The following SYT7 variants were observed in gnomAD, a reference collection of about 807,000 sequenced individuals.
SYT7 encodes the protein synaptotagmin-7.
Under a neutral mutation model 75.1 loss-of-function variants are expected in SYT7, and 29 were observed. The observed-to-expected ratio is 0.39, with a 90% CI of 0.29 to 0.53. The LOEUF (loss-of-function observed/expected upper bound fraction) is 0.53, where lower values mean the gene tolerates loss of function less well. SYT7 is among the 20% of genes least tolerant of loss of function. The probability of loss-of-function intolerance (pLI) is 0.77; values close to 1 mark genes in which losing one functional copy is unlikely to be tolerated. For synonymous variants in SYT7, 376 were observed against 401.7 expected, an observed-to-expected ratio of 0.94 and a Z score of 0.76; for missense variants, 693 against 953.2, an observed-to-expected ratio of 0.73 and a Z score of 3.59.
intron 6 of SYT7, 80 bp from the exon 7 acceptor site, chr11:61,538,346 G>GGAGAGGGAGGGAGA (rs1555006884): frequency 1.5e-5 from 3 of 203,292 alleles, no homozygotes; most frequent in African/African-American, 1.2e-4. Context: ...GGAGAGAGAG[G>GGAGAGGGAGGGAGA]GAGAGAGAGA....
rs188382827 is a variant in SYT7, at chr11:61,515,480, G to C, written c.*3147C>G. ...TTTTCCTGTTTTTTTTTTTTCTTCA[G>C]TTTTTCTTCATTTCTCTTCGCTGCA... is the stretch of plus-strand genomic sequence containing the variant. On this transcript the variant is annotated 3_prime_UTR_variant, in exon 13 of 13. Coordinates refer to ENST00000539008, the MANE Select transcript of SYT7 (RefSeq NM_001365809.2). The C allele has an allele frequency of 7.4e-5, 11 of 149,602 alleles. No homozygotes were observed. The highest frequency in any genetic ancestry group is 2.5e-4 in the African/African-American group (10 of 40,638). The allele number at this position is 149,602 out of a possible 1,614,324, so 9.3% of individuals were successfully genotyped here.
chr11:61,578,273 C>T (rs566121562), intron 1 of SYT7, among the ~76,000 whole-genome samples: 42 of 152,286 alleles, frequency 2.8e-4, no homozygotes, highest in Middle Eastern at 3.4e-3. Flanking sequence ...TAGCTGAGCC[C>T]TTAGGGACCT....
intron 1 of SYT7, among the ~76,000 whole-genome samples, chr11:61,557,518 C>T (rs1201266082): frequency 6.6e-6 from 1 of 152,114 alleles, no homozygotes; most frequent in Non-Finnish European, 1.5e-5. Flanking sequence ...TCCTCCACTC[C>T]AGCACCCTGG....
In SYT7 at chr11:61,546,823, C is replaced by G. The variant is rs1028263364; in HGVS notation, c.347+354G>C. Among the ~76,000 whole-genome samples the G allele has an allele frequency of 6.6e-6, 1 of 152,068 alleles. No individual in the cohort carries two copies. Among genetic ancestry groups the G allele is most frequent in the African/African-American group, 2.4e-5 (1 of 41,404 alleles). On this transcript the variant is annotated intron_variant, in intron 4 of 12. Transcript: ENST00000539008. The surrounding 1 kb of genome is among the most constrained non-coding windows in gnomAD (Gnocchi z 7.6). ...GCAGCACACAGCGGGGAGGAAGAAG[C>G]GACCACAACCGAGGGGGCGGGACCC...
chr11:61,565,166 C>T lies in SYT7; in HGVS notation c.32-8959G>A, dbSNP rs532051872. ...CCCACCCCCATCTTTTGGTGGCTCC[C>T]GATGACGTTCAAGGTGGGAAACAGT... On this transcript the variant is annotated intron_variant, in intron 1 of 12. Coordinates refer to ENST00000539008, the MANE Select transcript of SYT7 (RefSeq NM_001365809.2). Among the ~76,000 whole-genome samples the T allele has an allele frequency of 1.1e-4, 17 of 152,274 alleles. No individual in the cohort carries two copies. In the South Asian group the frequency reaches 2.3e-3, roughly 20 times the overall value.
Position 61,542,389 on chromosome 11 carries a change from G to A in SYT7, c.763C>T (p.His255Tyr). The A allele has an allele frequency of 1.3e-6, 2 of 1,531,334 alleles. No individual in the cohort carries two copies. Among genetic ancestry groups the A allele is most frequent in the Non-Finnish European group, 1.7e-6 (2 of 1,144,916 alleles). The allele number at this position is 1,531,334 out of a possible 1,614,324, so 94.9% of individuals were successfully genotyped here. A position where few individuals can be genotyped will look rare whatever the true frequency, so the allele number is the denominator to read the frequency against. The change falls in exon 6 of 13, where the codon CAC (histidine) becomes TAC (tyrosine). Residue 255 changes from histidine to tyrosine, a missense_variant. Physicochemically the swap from His to Tyr is moderately conservative, Grantham distance 83 (BLOSUM62 2). Coordinates refer to ENST00000539008, the MANE Select transcript of SYT7 (RefSeq NM_001365809.2). The surrounding 1 kb of genome is among the most constrained non-coding windows in gnomAD (Gnocchi z 7.8). ...TSQSLGQLQA[H>Y]MASAPGPNPR... The stretch of plus-strand genomic sequence containing the variant: ...TTGGGGCCTGGTGCCGAGGCCATGT[G>A]GGCCTGCAGCTGGCCCAGGCTCTGG...
At chr11:61,560,805 C>T (rs894289820) in intron 1 of SYT7, among the ~76,000 whole-genome samples, 1 of 152,130 alleles carries the variant, frequency 6.6e-6, no homozygotes. Context: ...GCACAAAGCC[C>T]ATGGGCAGCC....
intron 2 of SYT7, among the ~76,000 whole-genome samples, chr11:61,552,494 A>C (rs2063381984): frequency 6.6e-6 from 1 of 151,996 alleles, no homozygotes; most frequent in Non-Finnish European, 1.5e-5. Flanking sequence ...ACATGCACAC[A>C]CACGTGCGCG....
At chr11:61,583,788 T>C (rs1434158446), upstream of SYT7, among the ~76,000 whole-genome samples, 1 of 152,248 alleles carries the variant, frequency 6.6e-6, no homozygotes, top group Non-Finnish European at 1.5e-5. Flanking sequence ...GAGATATAGT[T>C]GTGCAAACTG....
chr11:61,582,212 CTGA>C (rs1237081668), upstream of SYT7, among the ~76,000 whole-genome samples: 2 of 152,180 alleles, frequency 1.3e-5, no homozygotes, highest in Non-Finnish European at 2.9e-5. Context: ...CTACCCTTCA[CTGA>C]TGGGTCAGGT....
Position 61,523,351 on chromosome 11 carries a change from T to G in SYT7, c.1757-77A>C. On this transcript the variant is annotated intron_variant, in intron 11 of 12. Coordinates refer to ENST00000539008, the MANE Select transcript of SYT7 (RefSeq NM_001365809.2). This position sits in a 1 kb window ranked among gnomAD's most constrained non-coding sequence, Gnocchi z 5.0. ...TAGGATCCTTTTCCCCTTCCAGGAA[T>G]GGAAGCTGAGGCAGGAGGGCCGTGT... 1.4e-6 allele frequency: 2 copies of G among 1,447,228 alleles called. No individual in the cohort carries two copies. The highest frequency in any genetic ancestry group is 1.9e-6 in the Non-Finnish European group (2 of 1,033,810). 89.6% of individuals were successfully genotyped at this position (1,447,228 alleles called of 1,614,324 possible).
At chr11:61,579,883 G>A (rs2064198020) in intron 1 of SYT7, among the ~76,000 whole-genome samples, 1 of 152,224 alleles carries the variant, frequency 6.6e-6, no homozygotes, top group Non-Finnish European at 1.5e-5. Flanking sequence ...AGCACCCCAG[G>A]TGGGAGCGGG....
chr11:61,559,579 G>A (rs2063586250), intron 1 of SYT7, among the ~76,000 whole-genome samples: 1 of 152,068 alleles, frequency 6.6e-6, no homozygotes, highest in Non-Finnish European at 1.5e-5. Flanking sequence ...GGAAGCAGCT[G>A]GAGGTCACAG....
upstream of SYT7, among the ~76,000 whole-genome samples, chr11:61,584,671 C>A (rs1175314736): frequency 6.6e-6 from 1 of 152,206 alleles, no homozygotes; most frequent in African/African-American, 2.4e-5. Context: ...CTTGACCCTG[C>A]CAGCCTGAGC....
At chr11:61,525,139 C>T (rs1031357069) in intron 9 of SYT7, among the ~76,000 whole-genome samples, 3 of 152,266 alleles carry the variant, frequency 2.0e-5, no homozygotes, top group Admixed American at 6.5e-5. Flanking sequence ...GCCGCTGGCA[C>T]CTCTTGCCTA....
chr11:61,544,728 C>T (rs938024638), intron 5 of SYT7, among the ~76,000 whole-genome samples: 1 of 152,228 alleles, frequency 6.6e-6, no homozygotes, highest in Non-Finnish European at 1.5e-5. Context: ...GGAGGCCTAA[C>T]CGGCCTGGAG....
Position 61,553,413 on chromosome 11 carries a change from C to T in SYT7, c.136-1950G>A, listed in dbSNP as rs1590910151. On this transcript the variant is annotated intron_variant, in intron 2 of 12. Transcript: ENST00000539008. This position sits in a 1 kb window ranked among gnomAD's most constrained non-coding sequence, Gnocchi z 5.2. ...GGCTTGGCAGGAGAGCTTGCCCTGG[C>T]CAGCACCCTCTCGTAAGGCAGGGCC... 6.6e-6 allele frequency among the ~76,000 whole-genome samples: 1 copy of T among 152,322 alleles called. No individual in the cohort carries two copies. Among genetic ancestry groups the T allele is most frequent in the East Asian group, 1.9e-4 (1 of 5,156 alleles).
Position 61,554,048 on chromosome 11 carries a change from G to C in SYT7, c.135+2056C>G, listed in dbSNP as rs1250694441. On this transcript the variant is annotated intron_variant, in intron 2 of 12. Coordinates refer to ENST00000539008, the MANE Select transcript of SYT7 (RefSeq NM_001365809.2). ...CAGCAAGTCAAGAGGGACAGCCTGC[G>C]GTCTGGACCCTGGGAGGGTTCCTGG... Among the ~76,000 whole-genome samples the C allele has an allele frequency of 4.6e-5, 7 of 152,176 alleles. No individual in the cohort carries two copies. The East Asian group carries it at 1.4e-3, about 29-fold the overall frequency.
Position 61,541,418 on chromosome 11 carries a change from C to T in SYT7, c.941+793G>A, listed in dbSNP as rs571127186. On this transcript the variant is annotated intron_variant, in intron 6 of 12. Coordinates refer to ENST00000539008, the MANE Select transcript of SYT7 (RefSeq NM_001365809.2). ...CAGAGAGATGCTGGGGAGGGGGCTT[C>T]CTGGGTGGGGCCCCTCCAGGGAGAG... 732 of 576,230 alleles carry T rather than the reference C, an allele frequency of 1.3e-3. 7 individuals carry two copies. In the South Asian group the frequency reaches 0.019, roughly 15 times the overall value. The allele number at this position is 576,230 out of a possible 1,614,324, so 35.7% of individuals were successfully genotyped here. A position where few individuals can be genotyped will look rare whatever the true frequency, so the allele number is the denominator to read the frequency against.
Sources: allele counts gnomAD v4.1 joint callset (sites outside exome capture counted in the v4.1 genomes callset), GRCh38; gene constraint gnomAD v4.1.1; non-coding constraint Gnocchi (gnomAD v3.1); transcripts MANE v1.5; gene names NCBI Gene and HGNC (gene_info 2026-07-23, HGNC 2026-07-21).